The following MYO1F variants were observed in gnomAD, a reference collection of about 807,000 sequenced individuals.
MYO1F encodes unconventional myosin-If.
In MYO1F, 60 loss-of-function variants were observed where a neutral mutation model predicts 146.6. That is an observed-to-expected ratio of 0.41 (90% confidence interval 0.33 to 0.51). The LOEUF is 0.51. MYO1F is among the 20% of genes least tolerant of loss of function. The pLI is 0.25. For synonymous variants in MYO1F, 602 were observed against 602.1 expected (o/e 1.00, Z 0.00); for missense variants, 1,274 against 1,534.3 (o/e 0.83, Z 2.83).
At chr19:8,561,801 C>G (rs543215763) in intron 1 of MYO1F, among the ~76,000 whole-genome samples, 100 of 150,502 alleles carry the variant, frequency 6.6e-4, no homozygotes, top group African/African-American at 2.4e-3. Context: ...ACTGCAAAAT[C>G]TACCTCCCAG....
At chr19:8,523,496 C>T (rs935077592) in intron 25 of MYO1F, among the ~76,000 whole-genome samples, 1 of 152,034 alleles carries the variant, frequency 6.6e-6, no homozygotes, top group African/African-American at 2.4e-5. Context: ...TACAGGTATG[C>T]TCCACTATGC....
chr19:8,530,511 C>A lies in MYO1F; in HGVS notation c.2106G>T (p.Lys702Asn). 6.2e-7 allele frequency: 1 copy of A among 1,613,730 alleles called. No homozygotes were observed. The highest frequency in any genetic ancestry group is 8.5e-7 in the Non-Finnish European group (1 of 1,180,044). ...KFDGFARTIQ[K>N]AWRRHVAVRK... Reference sequence around the variant, plus strand: ...GGACAGCCACGTGGCGCCGCCAGGCCTTCTGGATGGTTCGGGCAAAGCCAT... The same window carrying A: ...GGACAGCCACGTGGCGCCGCCAGGCATTCTGGATGGTTCGGGCAAAGCCAT... Residue 702 changes from lysine to asparagine, a missense_variant, in exon 20 of 28, where the codon AAG (lysine) becomes AAT (asparagine). Transcript: ENST00000644032. The surrounding 1 kb of genome is among the most constrained non-coding windows in gnomAD (Gnocchi z 5.8).
chr19:8,561,889 G>A (rs1056294009), intron 1 of MYO1F, among the ~76,000 whole-genome samples: 1 of 151,658 alleles, frequency 6.6e-6, no homozygotes, highest in African/African-American at 2.4e-5. Flanking sequence ...GCTAATTTTT[G>A]TATTTTTAGT....
intron 19 of MYO1F, among the ~76,000 whole-genome samples, chr19:8,531,394 A>G (rs1972481820): frequency 6.6e-6 from 1 of 152,156 alleles, no homozygotes. Flanking sequence ...CGTCGCCCAG[A>G]CTGGAGTGTG....
At position 8,530,545 on chromosome 19, in the gene MYO1F, C is replaced by T. The variant is rs1171244907; in HGVS notation, c.2072G>A (p.Arg691Gln). The T allele has an allele frequency of 8.1e-6, 13 of 1,612,760 alleles. No homozygotes were observed. Among genetic ancestry groups the T allele is most frequent in the African/African-American group, 1.3e-5 (1 of 74,924 alleles). The change falls in exon 20 of 28, where the codon CGA (arginine) becomes CAA (glutamine). Residue 691 changes from arginine to glutamine, a missense_variant. Arg to Gln is a conservative substitution (Grantham distance 43). Transcript: ENST00000644032. This position sits in a 1 kb window ranked among gnomAD's most constrained non-coding sequence, Gnocchi z 5.8. ...GGTTCGGGCAAAGCCATCGAACTTTCGCTCTCGCACCTCCTCCAGGAGGAA... is the reference window on the plus strand; with the variant it reads ...GGTTCGGGCAAAGCCATCGAACTTTTGCTCTCGCACCTCCTCCAGGAGGAA... ...SLFLLEEVRE[R>Q]KFDGFARTIQ... is the part of the protein sequence containing the mutation.
chr19:8,568,647 C>T (rs977003464), intron 1 of MYO1F, among the ~76,000 whole-genome samples: 25 of 151,916 alleles, frequency 1.6e-4, no homozygotes, highest in Non-Finnish European at 3.2e-4. Flanking sequence ...TTTGGCCGCG[C>T]ATGGTGGCTC....
At chr19:8,562,542 A>T (rs556868032) in intron 1 of MYO1F, among the ~76,000 whole-genome samples, 27 of 151,010 alleles carry the variant, frequency 1.8e-4, no homozygotes, top group African/African-American at 6.6e-4. Context: ...TTATTTACTT[A>T]TTTATTTTTT....
At chr19:8,537,077 G>T in intron 16 of MYO1F, 22 bp from the exon 17 acceptor site, 2 of 1,536,592 alleles carry the variant, frequency 1.3e-6, no homozygotes, top group Non-Finnish European at 1.8e-6. Flanking sequence ...GTGAAGACGG[G>T]TGGGTGGGGG....
chr19:8,551,758 G>T lies in MYO1F; in HGVS notation c.753C>A (p.Ser251Arg), dbSNP rs201910417. 2 of 1,614,006 alleles carry T rather than the reference G, an allele frequency of 1.2e-6. No individual in the cohort carries two copies. The highest frequency in any genetic ancestry group is 1.7e-6 in the Non-Finnish European group (2 of 1,180,028). The stretch of plus-strand genomic sequence containing the variant: ...TGCTCACCAGAGTCTCACCAAAGTC[G>T]CTTCTGTCGTCCGTGCCGTCCACCT... ...TYQVDGTDDR[S>R]DFGETLSAMQ... The change falls in exon 8 of 28, where the codon AGC (serine) becomes AGA (arginine). Residue 251 changes from serine (S) to arginine (R), a missense_variant. Physicochemically the swap from Ser to Arg is moderately radical, Grantham distance 110 (BLOSUM62 -1). Around this residue, in one of 2 missense-constraint regions of MYO1F, gnomAD observed 900 missense variants for 1,155.1 expected, o/e 0.78. Transcript: ENST00000644032.
intron 1 of MYO1F, among the ~76,000 whole-genome samples, chr19:8,562,041 T>C (rs1478462633): frequency 6.6e-6 from 1 of 151,298 alleles, no homozygotes. Context: ...TTTTTTTTCT[T>C]TTGTTTTTTT....
intron 1 of MYO1F, among the ~76,000 whole-genome samples, chr19:8,562,917 C>G (rs1196090108): frequency 6.6e-6 from 1 of 152,164 alleles, no homozygotes; most frequent in Admixed American, 6.6e-5. Context: ...GACTGTCATA[C>G]TTGTTTACAG....
intron 13 of MYO1F, 141 bp from the exon 14 acceptor site, chr19:8,544,605 G>C: frequency 3.4e-6 from 3 of 871,396 alleles, no homozygotes; most frequent in Non-Finnish European, 5.3e-6. Context: ...GGCACCAGGG[G>C]CTTCAAATAC....
chr19:8,553,894 A>ACACACACACACACACTCTCTCT lies in MYO1F; in HGVS notation c.327-458_327-457insAGAGAGAGTGTGTGTGTGTGTG. ...CACACACACACACACACACACACACACTCTCTCTCTCTCTCTCTCTCTCTC... is the reference window on the plus strand; with the variant it reads ...CACACACACACACACACACACACACACACACACACACACACTCTCTCTCTCTCTCTCTCTCTCTCTCTCTCTC... On this transcript the variant is annotated intron_variant, in intron 4 of 27. Transcript: ENST00000644032. 3.9e-4 allele frequency among the ~76,000 whole-genome samples: 40 copies of ACACACACACACACACTCTCTCT among 102,662 alleles called. 1 individual carries two copies. Among genetic ancestry groups the ACACACACACACACACTCTCTCT allele is most frequent in the African/African-American group, 1.1e-3 (27 of 23,978 alleles). 67.4% of individuals were successfully genotyped at this position (102,662 alleles called of 152,430 possible).
intron 1 of MYO1F, among the ~76,000 whole-genome samples, chr19:8,564,859 G>A (rs1220295808): frequency 1.3e-5 from 2 of 151,726 alleles, no homozygotes; most frequent in African/African-American, 2.4e-5. Context: ...TGCAACCTCC[G>A]CCTCCCGGGT....
intron 1 of MYO1F, among the ~76,000 whole-genome samples, chr19:8,567,439 G>A (rs1343091632): frequency 6.6e-6 from 1 of 152,030 alleles, no homozygotes; most frequent in Non-Finnish European, 1.5e-5. Context: ...CACGATCTCA[G>A]CTCACTGCAA....
chr19:8,554,830 A>C, intron 2 of MYO1F, 87 bp from the exon 3 acceptor site: 1 of 1,207,542 alleles, frequency 8.3e-7, no homozygotes, highest in Non-Finnish European at 1.2e-6. Context: ...GGCTTCCTAA[A>C]ACTCCATTGC....
At position 8,577,298 on chromosome 19, in the gene MYO1F, A is replaced by G. The variant is rs1213734992; in HGVS notation, c.3+9T>C. 1.2e-5 allele frequency: 19 copies of G among 1,613,616 alleles called. No individual in the cohort carries two copies. Among genetic ancestry groups the G allele is most frequent in the Non-Finnish European group, 1.5e-5 (18 of 1,179,830 alleles). The stretch of plus-strand genomic sequence containing the variant: ...TTCTTCTTCCAGATCCCACCCTTGA[A>G]GGACTTACCATGGTGGGGGGCTGGT... On this transcript the variant is annotated intron_variant, in intron 1 of 27. Coordinates refer to ENST00000644032, the MANE Select transcript of MYO1F (RefSeq NM_012335.4). This position sits in a 1 kb window ranked among gnomAD's most constrained non-coding sequence, Gnocchi z 4.3.
intron 1 of MYO1F, among the ~76,000 whole-genome samples, chr19:8,556,874 T>G (rs1600014345): frequency 3.6e-5 from 4 of 112,186 alleles, no homozygotes; most frequent in Admixed American, 1.3e-4. Flanking sequence ...GCAACAAGAG[T>G]GAAACTCTGT....
At chr19:8,561,376 C>CCCTT (rs1555729023) in intron 1 of MYO1F, among the ~76,000 whole-genome samples, 77 of 76,038 alleles carry the variant, frequency 1.0e-3, no homozygotes, top group African/African-American at 1.8e-3. Context: ...CTCCCTCCCT[C>CCCTT]CCTTCCCCCC....
Sources: gnomAD v4.1 joint callset for allele counts (sites outside exome capture counted in the v4.1 genomes callset) on GRCh38, gnomAD v4.1.1 for gene constraint, gnomAD v4.1.1 regional missense constraint, Gnocchi (gnomAD v3.1) non-coding constraint, MANE v1.5 for transcripts, NCBI Gene and HGNC (gene_info 2026-07-23, HGNC 2026-07-21) for gene names.